The following FRMPD1 variants were observed in gnomAD, a reference collection of about 807,000 sequenced individuals.
The protein encoded by FRMPD1 is FERM and PDZ domain-containing protein 1.
In FRMPD1, 76 loss-of-function variants were observed where a neutral mutation model predicts 117.8. The ratio of observed to expected loss-of-function variants is 0.65; its 90% CI spans 0.54 to 0.78. The LOEUF (loss-of-function observed/expected upper bound fraction) is 0.78, where lower values mean the gene tolerates loss of function less well. FRMPD1 is among the 30% of genes least tolerant of loss of function. FRMPD1 has a pLI of 0.00. For synonymous variants in FRMPD1, 783 were observed against 770.4 expected, an observed-to-expected ratio of 1.02 and a Z score of -0.27; for missense variants, 1,786 against 1,964.5, an observed-to-expected ratio of 0.91 and a Z score of 1.72.
At chr9:37,721,781 G>C (rs917987975) in intron 6 of FRMPD1, among the ~76,000 whole-genome samples, 1 of 152,122 alleles carries the variant, frequency 6.6e-6, no homozygotes, top group African/African-American at 2.4e-5. Context: ...AATCAGTTCT[G>C]ATATTTCAAC....
At chr9:37,608,929 C>A in the FRMPD1 span, among the ~76,000 whole-genome samples, 3 of 152,174 alleles carry the variant, frequency 2.0e-5, no homozygotes, top group Non-Finnish European at 4.4e-5. Context: ...TTATTACAGT[C>A]CAACCGTGCT....
chr9:37,722,529 T>A (rs1455925972), intron 6 of FRMPD1, among the ~76,000 whole-genome samples: 2 of 152,128 alleles, frequency 1.3e-5, no homozygotes, highest in African/African-American at 4.8e-5. Flanking sequence ...TGTCTCAGCC[T>A]CCAGTGTAGC....
rs749578271 is a variant in FRMPD1, at chr9:37,746,728, TTC to T, written c.4698_4699del (p.Phe1566LeufsTer?). On this transcript the variant is annotated frameshift_variant, in exon 16 of 16. Transcript: ENST00000377765. LOFTEE classifies it high-confidence loss of function. ...RQCTALTAAV[F>X]CLTQKFRAST... is the part of the protein sequence containing the mutation. ...GTGCACGGCCCTCACGGCCGCCGTG[TTC>T]TGTTTGACCCAGAAGTTCCGGGCAT... The T allele has an allele frequency of 3.7e-6, 6 of 1,613,964 alleles. No individual in the cohort carries two copies. The highest frequency in any genetic ancestry group is 1.7e-5 in the Admixed American group (1 of 60,014).
Position 37,693,936 on chromosome 9 carries a change from C to T in FRMPD1, c.101+1194C>T, listed in dbSNP as rs149585828. On this transcript the variant is annotated intron_variant, in intron 2 of 15. Coordinates refer to ENST00000377765, the MANE Select transcript of FRMPD1 (RefSeq NM_014907.3). ...AGTCAGGATGAATTTCTCCATAGGA[C>T]CCCGTAGTATTTTATTTGTAGCACT... Among the ~76,000 whole-genome samples, 192 of 151,632 alleles carry T rather than the reference C, an allele frequency of 1.3e-3. 1 individual carries two copies. Among genetic ancestry groups the T allele is most frequent in the African/African-American group, 3.8e-3 (155 of 40,920 alleles).
intron 1 of FRMPD1, among the ~76,000 whole-genome samples, chr9:37,664,231 G>A (rs1436656691): frequency 6.6e-6 from 1 of 152,058 alleles, no homozygotes; most frequent in African/African-American, 2.4e-5. Context: ...GCTGCCCTTG[G>A]TGGTGGGGTG....
In FRMPD1 at chr9:37,745,401, C is replaced by T. The variant is rs370848363; in HGVS notation, c.3369C>T (p.Asn1123=). 1.7e-5 allele frequency: 27 copies of T among 1,614,082 alleles called. 1 individual carries two copies. Among genetic ancestry groups the T allele is most frequent in the South Asian group, 5.5e-5 (5 of 91,084 alleles). Reference sequence around the variant, plus strand: ...AAGTTACAAACAAAAATGGCACCAACGTATTTCAGGAGGAGTCTAGGAAGG... The same window carrying T: ...AAGTTACAAACAAAAATGGCACCAATGTATTTCAGGAGGAGTCTAGGAAGG... ...DREVTNKNGT[N]VFQEESRKDS... is the part of the protein sequence containing the mutation. Residue 1123 remains asparagine, a synonymous_variant, in exon 16 of 16, where the codon AAC becomes AAT. Transcript: ENST00000377765.
chr9:37,611,724 T>C, the FRMPD1 span, among the ~76,000 whole-genome samples: 2 of 152,190 alleles, frequency 1.3e-5, no homozygotes, highest in African/African-American at 2.4e-5. Flanking sequence ...TATGCATAGC[T>C]TTGGGTTTAT....
At chr9:37,659,182 T>C (rs1820924989) in intron 1 of FRMPD1, among the ~76,000 whole-genome samples, 1 of 152,128 alleles carries the variant, frequency 6.6e-6, no homozygotes, top group African/African-American at 2.4e-5. Flanking sequence ...TGGATATCTT[T>C]TTAGGGTGGC....
At chr9:37,609,738 G>C in the FRMPD1 span, among the ~76,000 whole-genome samples, 1 of 143,258 alleles carries the variant, frequency 7.0e-6, no homozygotes. Context: ...GGAAATCAAA[G>C]CCCTTACAAT....
At chr9:37,637,303 G>T in the FRMPD1 span, 2 of 1,341,908 alleles carry the variant, frequency 1.5e-6, no homozygotes, top group Non-Finnish European at 2.1e-6. Flanking sequence ...TGGCGGCGGC[G>T]GAAGCCCGCT....
the FRMPD1 span, among the ~76,000 whole-genome samples, chr9:37,622,198 C>T: frequency 6.6e-6 from 1 of 152,178 alleles, no homozygotes; most frequent in Non-Finnish European, 1.5e-5. Flanking sequence ...TGCCCCTGAG[C>T]TCTGGGCACA....
chr9:37,723,368 C>G (rs1189887778), intron 6 of FRMPD1, among the ~76,000 whole-genome samples: 1 of 152,218 alleles, frequency 6.6e-6, no homozygotes, highest in Admixed American at 6.5e-5. Context: ...AGGGCTCACT[C>G]TTCTCCACCG....
chr9:37,684,233 T>C (rs905802352), intron 1 of FRMPD1, among the ~76,000 whole-genome samples: 3 of 152,238 alleles, frequency 2.0e-5, no homozygotes, highest in Non-Finnish European at 4.4e-5. Flanking sequence ...ACAAGCAAGC[T>C]AATCTGATTT....
At chr9:37,678,059 G>T (rs1007116029) in intron 1 of FRMPD1, among the ~76,000 whole-genome samples, 2 of 152,138 alleles carry the variant, frequency 1.3e-5, no homozygotes, top group Non-Finnish European at 2.9e-5. Context: ...GGTGACATTT[G>T]TCCAGATGTG....
chr9:37,603,384 G>C, the FRMPD1 span, among the ~76,000 whole-genome samples: 1 of 152,098 alleles, frequency 6.6e-6, no homozygotes, highest in Non-Finnish European at 1.5e-5. Context: ...CATTGGTTTG[G>C]GTTAGCAGGC....
At chr9:37,689,267 A>C (rs1822051927) in intron 1 of FRMPD1, among the ~76,000 whole-genome samples, 1 of 152,124 alleles carries the variant, frequency 6.6e-6, no homozygotes, top group East Asian at 1.9e-4. Context: ...ACCATTTTTC[A>C]GTGTTTACAT....
At chr9:37,676,512 T>C (rs1169638963) in intron 1 of FRMPD1, among the ~76,000 whole-genome samples, 1 of 152,182 alleles carries the variant, frequency 6.6e-6, no homozygotes, top group Admixed American at 6.5e-5. Flanking sequence ...TGGCATTCAT[T>C]CACAGCTGTT....
chr9:37,703,037 A>T (rs926105980), intron 2 of FRMPD1, among the ~76,000 whole-genome samples: 1 of 152,160 alleles, frequency 6.6e-6, no homozygotes. Flanking sequence ...GGCATGGGAG[A>T]CATGGAGATG....
the FRMPD1 span, among the ~76,000 whole-genome samples, chr9:37,644,961 A>G: frequency 6.6e-6 from 1 of 152,172 alleles, no homozygotes; most frequent in African/African-American, 2.4e-5. Flanking sequence ...GTCACCCAGC[A>G]GATGCAAAGC....
Sources: gnomAD v4.1 joint callset for allele counts (sites outside exome capture counted in the v4.1 genomes callset) on GRCh38, gnomAD v4.1.1 for gene constraint, MANE v1.5 for transcripts, NCBI Gene and HGNC (gene_info 2026-07-23, HGNC 2026-07-21) for gene names.